ANK2: variants seen among roughly 807,000 people sequenced by gnomAD.
ANK2 encodes the protein ankyrin-2.
ANK2 carries 83 observed loss-of-function variants against 360.5 expected under a neutral mutation model. That is an observed-to-expected ratio of 0.23 (90% CI 0.19 to 0.28). The LOEUF is 0.28. Among genes scored for constraint, ANK2 ranks in the 10% least tolerant of loss-of-function variants. ANK2 has a pLI of 1.00. For missense variants in ANK2, 4,201 were observed against 4,795.7 expected (o/e 0.88, Z 3.66); for synonymous variants, 1,740 against 1,759.5 (o/e 0.99, Z 0.28).
chr4:112,722,301 G>A, the ANK2 span, among the ~76,000 whole-genome samples: 1 of 152,118 alleles, frequency 6.6e-6, no homozygotes, highest in Admixed American at 6.6e-5. Context: ...AAATGATAAA[G>A]CTGTGCTCCA....
chr4:112,936,164 G>A lies in ANK2; in HGVS notation c.21+31650G>A, dbSNP rs184129213. Among the ~76,000 whole-genome samples, 921 of 152,262 alleles carry A rather than the reference G, an allele frequency of 6.0e-3. 3 individuals are homozygous for A. Among genetic ancestry groups the A allele is most frequent in the Non-Finnish European group, 9.3e-3 (633 of 68,014 alleles). On this transcript the variant is annotated intron_variant, in intron 2 of 30. Transcript: ENST00000503271. ...CTGAAGCATTGCTTTGTCTGTCTCT[G>A]AAATTATGTTAATTGAAAGTTTGTA...
At chr4:113,099,423 A>G (rs1358162559) in intron 1 of ANK2, among the ~76,000 whole-genome samples, 1 of 151,994 alleles carries the variant, frequency 6.6e-6, no homozygotes, top group Non-Finnish European at 1.5e-5. Context: ...CTTATGTGTA[A>G]TTCTAATAAG....
At chr4:113,278,603 C>T (rs1341944581) in intron 17 of ANK2, 45 bp downstream of exon 17, 1 of 1,552,280 alleles carries the variant, frequency 6.4e-7, no homozygotes, top group Non-Finnish European at 8.9e-7. Flanking sequence ...GTGTAACTAT[C>T]GCCTGAAAAC....
chr4:112,792,190 C>A, the ANK2 span, among the ~76,000 whole-genome samples: 1 of 151,726 alleles, frequency 6.6e-6, no homozygotes, highest in Non-Finnish European at 1.5e-5. Context: ...TACAGGCATG[C>A]GCCACCACAC....
chr4:113,109,530 C>T (rs758339820), intron 1 of ANK2, among the ~76,000 whole-genome samples: 8 of 152,142 alleles, frequency 5.3e-5, no homozygotes, highest in Non-Finnish European at 7.3e-5. Flanking sequence ...GTGAAGAGGG[C>T]TCCCTATTGG....
chr4:112,868,458 A>G (rs2071533887), intron 1 of ANK2, among the ~76,000 whole-genome samples: 1 of 152,072 alleles, frequency 6.6e-6, no homozygotes. Context: ...ATAACAACCC[A>G]CTCTCACAAT....
At chr4:113,327,435 C>T (rs2153900431) in intron 26 of ANK2, among the ~76,000 whole-genome samples, 1 of 152,296 alleles carries the variant, frequency 6.6e-6, no homozygotes, top group African/African-American at 2.4e-5. Flanking sequence ...ATTCTGACTG[C>T]TCTGATTGTC....
chr4:113,113,870 T>C (rs952534694), intron 1 of ANK2, among the ~76,000 whole-genome samples: 4 of 152,160 alleles, frequency 2.6e-5, no homozygotes, highest in Admixed American at 2.6e-4. Context: ...GCAACACAAG[T>C]ATACAAGAAG....
intron 1 of ANK2, among the ~76,000 whole-genome samples, chr4:112,874,993 A>G (rs2074552733): frequency 6.6e-6 from 1 of 151,814 alleles, no homozygotes; most frequent in South Asian, 2.1e-4. Context: ...AAATGCTTAG[A>G]TGAATGAAGG....
chr4:113,168,554 A>G (rs997228452), intron 1 of ANK2, among the ~76,000 whole-genome samples: 3 of 152,212 alleles, frequency 2.0e-5, no homozygotes, highest in African/African-American at 7.2e-5. Flanking sequence ...GTTGAAGGAC[A>G]CCATATATGT....
At chr4:113,305,097 T>G (rs989306050) in intron 23 of ANK2, among the ~76,000 whole-genome samples, 21 of 151,824 alleles carry the variant, frequency 1.4e-4, no homozygotes, top group African/African-American at 5.1e-4. Context: ...TCCCAGCACT[T>G]TGGGAGGCCG....
chr4:112,900,525 T>C (rs775763952), intron 1 of ANK2, among the ~76,000 whole-genome samples: 3 of 152,154 alleles, frequency 2.0e-5, no homozygotes, highest in Admixed American at 6.5e-5. Flanking sequence ...CACGGGGGAC[T>C]TCAAAAGCCG....
intron 24 of ANK2, among the ~76,000 whole-genome samples, chr4:113,315,705 T>G (rs180829012): frequency 2.6e-5 from 4 of 152,048 alleles, no homozygotes; most frequent in African/African-American, 9.7e-5. Flanking sequence ...GAGACCATCC[T>G]GGCTAACACG....
intron 14 of ANK2, among the ~76,000 whole-genome samples, chr4:113,270,485 C>T (rs895673773): frequency 6.6e-6 from 1 of 152,174 alleles, no homozygotes; most frequent in Non-Finnish European, 1.5e-5. Context: ...TCTTTTGCAA[C>T]TACATTTAGT....
chr4:112,943,453 A>C (rs113585840), intron 2 of ANK2, among the ~76,000 whole-genome samples: 1,537 of 151,948 alleles, frequency 0.01, 25 homozygotes, highest in African/African-American at 0.035. Flanking sequence ...GTGGTTGGAG[A>C]ATCAGATTCC....
the ANK2 span, among the ~76,000 whole-genome samples, chr4:112,724,128 G>A: frequency 4.0e-5 from 6 of 150,432 alleles, no homozygotes; most frequent in Admixed American, 6.7e-5. Flanking sequence ...GCAGTGGTGC[G>A]ATCTCAGCTT....
At chr4:112,996,896 G>GC (rs566084648) in intron 2 of ANK2, among the ~76,000 whole-genome samples, 1 of 151,876 alleles carries the variant, frequency 6.6e-6, no homozygotes, top group Admixed American at 6.6e-5. Flanking sequence ...CCGATCCCCA[G>GC]CCCCCTACTA....
At chr4:112,761,610 A>T in the ANK2 span, among the ~76,000 whole-genome samples, 1 of 152,058 alleles carries the variant, frequency 6.6e-6, no homozygotes, top group Non-Finnish European at 1.5e-5. Context: ...ACACAGTGAG[A>T]CTCCGTCTCA....
the ANK2 span, among the ~76,000 whole-genome samples, chr4:112,810,149 A>ATT: frequency 3.3e-5 from 1 of 30,346 alleles, no homozygotes; most frequent in Non-Finnish European, 5.9e-5. Flanking sequence ...ATATATATAT[A>ATT]TATATATATA....
Sources: gnomAD v4.1 joint callset for allele counts (sites outside exome capture counted in the v4.1 genomes callset) on GRCh38, gnomAD v4.1.1 for gene constraint, MANE v1.5 for transcripts, NCBI Gene and HGNC (gene_info 2026-07-23, HGNC 2026-07-21) for gene names.